The following BCAR3 variants were observed in gnomAD, a reference collection of about 807,000 sequenced individuals.
The protein encoded by BCAR3 is BCAR3 adaptor protein, NSP family member, also known as breast cancer anti-estrogen resistance protein 3.
Under a neutral mutation model 80.1 loss-of-function variants are expected in BCAR3, and 37 were observed. That is an observed-to-expected ratio of 0.46 (90% confidence interval 0.36 to 0.61). The LOEUF (loss-of-function observed/expected upper bound fraction) is 0.61, where lower values mean the gene tolerates loss of function less well. Among genes scored for constraint, BCAR3 ranks in the 20% least tolerant of loss-of-function variants. BCAR3 has a pLI of 0.00. For missense variants in BCAR3, 978 were observed against 1,068.2 expected (o/e 0.92, Z 1.18); for synonymous variants, 389 against 418.9 (o/e 0.93, Z 0.87).
intron 8 of BCAR3, among the ~76,000 whole-genome samples, chr1:93,575,031 G>A (rs1038823556): frequency 2.6e-5 from 4 of 152,064 alleles, no homozygotes; most frequent in African/African-American, 9.7e-5. Flanking sequence ...CTAAAGCAGC[G>A]ACATCCATCC....
intron 3 of BCAR3, among the ~76,000 whole-genome samples, chr1:93,694,790 C>G (rs1370880637): frequency 6.6e-6 from 1 of 152,226 alleles, no homozygotes; most frequent in Non-Finnish European, 1.5e-5. Context: ...CACACTCCTC[C>G]TGTTGTAATC....
chr1:93,666,649 A>G (rs1647927733), intron 2 of BCAR3, among the ~76,000 whole-genome samples: 1 of 152,262 alleles, frequency 6.6e-6, no homozygotes, highest in Non-Finnish European at 1.5e-5. Context: ...AAGAATAAAC[A>G]GCAAAGACAC....
intron 3 of BCAR3, among the ~76,000 whole-genome samples, chr1:93,620,814 T>G (rs1350995938): frequency 6.6e-6 from 1 of 152,184 alleles, no homozygotes; most frequent in African/African-American, 2.4e-5. Context: ...TACAACCGTG[T>G]CTGGTATAGC....
chr1:93,668,977 G>T (rs1185102101), intron 2 of BCAR3, among the ~76,000 whole-genome samples: 3 of 152,028 alleles, frequency 2.0e-5, no homozygotes, highest in Non-Finnish European at 2.9e-5. Flanking sequence ...CTCCCAAAGT[G>T]CTGGGAATAC....
chr1:93,580,063 G>A (rs1490875760), intron 7 of BCAR3, among the ~76,000 whole-genome samples: 2 of 152,218 alleles, frequency 1.3e-5, no homozygotes, highest in Non-Finnish European at 2.9e-5. Flanking sequence ...CTCAGCAGAA[G>A]TCCACCCTCA....
chr1:93,589,847 G>A (rs144641620), intron 4 of BCAR3, among the ~76,000 whole-genome samples: 60 of 152,282 alleles, frequency 3.9e-4, no homozygotes, highest in African/African-American at 1.3e-3. Flanking sequence ...TGGTTGGGGA[G>A]GTGTCACAAG....
At chr1:93,828,833 C>T (rs1428087760) in intron 2 of BCAR3, among the ~76,000 whole-genome samples, 2 of 152,152 alleles carry the variant, frequency 1.3e-5, no homozygotes, top group Non-Finnish European at 2.9e-5. Flanking sequence ...GCTAGGACTA[C>T]AGGCGCATGC....
At chr1:93,833,424 G>C (rs1654647269) in intron 2 of BCAR3, among the ~76,000 whole-genome samples, 1 of 152,154 alleles carries the variant, frequency 6.6e-6, no homozygotes, top group Non-Finnish European at 1.5e-5. Flanking sequence ...CAAGAGCAGA[G>C]GACCAGTCTG....
At chr1:93,609,432 T>C (rs1674883772) in intron 3 of BCAR3, among the ~76,000 whole-genome samples, 1 of 152,134 alleles carries the variant, frequency 6.6e-6, no homozygotes, top group Admixed American at 6.5e-5. Flanking sequence ...TTCAGAAAGG[T>C]GGCTTTTCCG....
At chr1:93,622,556 T>C (rs1373049859) in intron 3 of BCAR3, among the ~76,000 whole-genome samples, 1 of 152,154 alleles carries the variant, frequency 6.6e-6, no homozygotes, top group Non-Finnish European at 1.5e-5. Flanking sequence ...AGATGGATGC[T>C]GACATCAGAA....
intron 3 of BCAR3, among the ~76,000 whole-genome samples, chr1:93,688,018 A>G (rs374334698): frequency 2.0e-5 from 3 of 152,208 alleles, no homozygotes; most frequent in East Asian, 3.8e-4. Flanking sequence ...GGCAACACTG[A>G]TATGGACCAG....
At position 93,651,636 on chromosome 1, in the gene BCAR3, G is replaced by C. The variant is rs902191135; in HGVS notation, c.318-9293C>G. On this transcript the variant is annotated intron_variant, in intron 2 of 11. Transcript: ENST00000260502. ...AACCAGATGTGGACTACATTAGACT[G>C]TATGTCCTGGTACAATGGCCAGCAA... 2.0e-5 allele frequency among the ~76,000 whole-genome samples: 3 copies of C among 152,312 alleles called. No individual in the cohort carries two copies. In the East Asian group the frequency reaches 5.8e-4, roughly 29 times the overall value.
intron 2 of BCAR3, among the ~76,000 whole-genome samples, chr1:93,780,343 T>A (rs1246321563): frequency 6.6e-6 from 1 of 152,214 alleles, no homozygotes; most frequent in African/African-American, 2.4e-5. Context: ...ACTGAGGAAT[T>A]GACTCATAAT....
At chr1:93,789,703 GC>G (rs1252023353) in intron 2 of BCAR3, among the ~76,000 whole-genome samples, 3 of 152,134 alleles carry the variant, frequency 2.0e-5, no homozygotes, top group Non-Finnish European at 4.4e-5. Flanking sequence ...TACATGAAGT[GC>G]CATCATCTGG....
At position 93,589,015 on chromosome 1, in the gene BCAR3, C is replaced by T; in HGVS notation, c.891G>A (p.Gln297=). Residue 297 remains glutamine, a synonymous_variant, in exon 5 of 12, where the codon CAG becomes CAA. Coordinates refer to ENST00000260502, the MANE Select transcript of BCAR3 (RefSeq NM_003567.4). ...CCCTGGGCAAATTCTGCTCTCGGGC[C>T]TGGACGCCACCCATGGTGAGGCTCA... is the stretch of plus-strand genomic sequence containing the variant. ...KRLSLTMGGV[Q]AREQNLPRGN... 1 of 1,598,170 alleles carries T rather than the reference C, an allele frequency of 6.3e-7. No homozygotes were observed. The highest frequency in any genetic ancestry group is 8.6e-7 in the Non-Finnish European group (1 of 1,169,200).
chr1:93,727,743 A>G (rs1343488944), intron 2 of BCAR3, among the ~76,000 whole-genome samples: 3 of 152,240 alleles, frequency 2.0e-5, no homozygotes, highest in African/African-American at 4.8e-5. Context: ...ACCCTGGGAT[A>G]TAATCACTTT....
intron 3 of BCAR3, among the ~76,000 whole-genome samples, chr1:93,702,102 G>T (rs1369853173): frequency 1.3e-5 from 2 of 152,166 alleles, no homozygotes; most frequent in Non-Finnish European, 2.9e-5. Context: ...CTGTGGCAAT[G>T]AAATTCTCAC....
intron 1 of BCAR3, among the ~76,000 whole-genome samples, chr1:93,675,631 A>T (rs989934684): frequency 1.1e-4 from 17 of 152,152 alleles, no homozygotes; most frequent in African/African-American, 3.9e-4. Context: ...CAGCAGGGTT[A>T]GGTAATGCCC....
Position 93,584,140 on chromosome 1 carries a change from A to C in BCAR3, c.930-19T>G, listed in dbSNP as rs1301562509. On this transcript the variant is annotated intron_variant, in intron 5 of 11. Coordinates refer to ENST00000260502, the MANE Select transcript of BCAR3 (RefSeq NM_003567.4). ...TTTGTTTCTGAAGTAAAAGACACAT[A>C]GGATGGAAATGTGTTACTAACGTGT... The C allele has an allele frequency of 6.2e-7, 1 of 1,605,066 alleles. No homozygotes were observed.
Sources: gnomAD v4.1 joint callset for allele counts (sites outside exome capture counted in the v4.1 genomes callset) on GRCh38, gnomAD v4.1.1 for gene constraint, MANE v1.5 for transcripts, NCBI Gene and HGNC (gene_info 2026-07-23, HGNC 2026-07-21) for gene names.